MACROD2: variants seen among roughly 807,000 people sequenced by gnomAD.
The protein encoded by MACROD2 is ADP-ribose glycohydrolase MACROD2.
MACROD2 carries 36 observed loss-of-function variants against 70.4 expected under a neutral mutation model. The ratio of observed to expected loss-of-function variants is 0.51; its 90% CI spans 0.39 to 0.68. The LOEUF is 0.68. Among genes scored for constraint, MACROD2 ranks in the 30% least tolerant of loss-of-function variants. MACROD2 has a pLI of 0.00. For synonymous variants in MACROD2, 172 were observed against 178.8 expected, an observed-to-expected ratio of 0.96 and a Z score of 0.30; for missense variants, 496 against 538.4, an observed-to-expected ratio of 0.92 and a Z score of 0.78.
intron 2 of MACROD2, among the ~76,000 whole-genome samples, chr20:14,065,902 TGA>T (rs2053749683): frequency 1.3e-5 from 2 of 152,262 alleles, no homozygotes; most frequent in South Asian, 4.2e-4. Context: ...GCAAAATACG[TGA>T]GTCGTCATTG....
At chr20:15,600,230 G>C (rs552605388) in intron 8 of MACROD2, among the ~76,000 whole-genome samples, 24 of 152,048 alleles carry the variant, frequency 1.6e-4, no homozygotes, top group African/African-American at 5.8e-4. Context: ...CCCTGGGATG[G>C]CTTCCAGAAG....
intron 5 of MACROD2, among the ~76,000 whole-genome samples, chr20:14,944,057 A>C (rs1363710634): frequency 2.6e-5 from 4 of 152,198 alleles, no homozygotes; most frequent in Admixed American, 2.6e-4. Context: ...TCACTATCAC[A>C]ATCAGAATAT....
intron 4 of MACROD2, among the ~76,000 whole-genome samples, chr20:14,584,659 G>T (rs1198904885): frequency 6.6e-6 from 1 of 152,112 alleles, no homozygotes; most frequent in Non-Finnish European, 1.5e-5. Context: ...TTGAAATTTG[G>T]TGGGGGGACA....
chr20:15,660,018 G>A (rs1158799113), intron 8 of MACROD2, among the ~76,000 whole-genome samples: 1 of 152,086 alleles, frequency 6.6e-6, no homozygotes, highest in Admixed American at 6.5e-5. Flanking sequence ...CATGAAGGTA[G>A]AGTCTGTATC....
At chr20:14,357,609 GGT>G (rs1363610637) in intron 3 of MACROD2, among the ~76,000 whole-genome samples, 1 of 152,168 alleles carries the variant, frequency 6.6e-6, no homozygotes, top group Non-Finnish European at 1.5e-5. Flanking sequence ...TAAATGTAGT[GGT>G]TCCTCAGGGC....
intron 8 of MACROD2, among the ~76,000 whole-genome samples, chr20:15,723,108 C>G (rs907715268): frequency 6.6e-6 from 1 of 152,132 alleles, no homozygotes; most frequent in Non-Finnish European, 1.5e-5. Flanking sequence ...AGTTTACCAT[C>G]ATCTTAAAAA....
intron 8 of MACROD2, among the ~76,000 whole-genome samples, chr20:15,729,835 T>TTTTTTTTTTTTC (rs564130429): frequency 0.041 from 5,205 of 127,258 alleles, 747 homozygotes; most frequent in East Asian, 0.14. Flanking sequence ...GTCATGCTTT[T>TTTTTTTTTTTTC]TTTTTTTTTT....
intron 2 of MACROD2, among the ~76,000 whole-genome samples, chr20:14,052,239 T>A (rs2053577283): frequency 6.6e-6 from 1 of 152,124 alleles, no homozygotes; most frequent in Non-Finnish European, 1.5e-5. Flanking sequence ...TTTTCTGTCA[T>A]CTTCATAACT....
chr20:14,717,738 G>A (rs2071413157), intron 5 of MACROD2, among the ~76,000 whole-genome samples: 1 of 152,114 alleles, frequency 6.6e-6, no homozygotes, highest in Admixed American at 6.5e-5. Context: ...CCTTGAGTCA[G>A]TGGGATGTTG....
At chr20:15,706,232 A>C (rs1222219343) in intron 8 of MACROD2, among the ~76,000 whole-genome samples, 3 of 152,222 alleles carry the variant, frequency 2.0e-5, no homozygotes, top group African/African-American at 7.2e-5. Flanking sequence ...CAGTCAGAAT[A>C]TATGACCTCT....
At position 15,954,212 on chromosome 20, in the gene MACROD2, C is replaced by T. The variant is rs531360174; in HGVS notation, c.908-13341C>T. Among the ~76,000 whole-genome samples, 9 of 152,182 alleles carry T rather than the reference C, an allele frequency of 5.9e-5. No individual in the cohort carries two copies. The East Asian group carries it at 1.7e-3, about 29-fold the overall frequency. ...TCCCAGCACACTCCTTCTTGAATGC[C>T]CATAATACCCTCAGGTTTCCCTCCA... is the stretch of plus-strand genomic sequence containing the variant. On this transcript the variant is annotated intron_variant, in intron 12 of 17. Coordinates refer to ENST00000684519, the MANE Select transcript of MACROD2 (RefSeq NM_001351661.2).
intron 5 of MACROD2, among the ~76,000 whole-genome samples, chr20:15,060,197 C>A (rs1039823654): frequency 3.3e-5 from 5 of 152,186 alleles, no homozygotes; most frequent in African/African-American, 1.2e-4. Flanking sequence ...AGCTGGAATT[C>A]CATTTCCAAG....
At position 14,862,710 on chromosome 20, in the gene MACROD2, T is replaced by TAA. The variant is rs1292657811; in HGVS notation, c.418+177752_418+177753insAA. Among the ~76,000 whole-genome samples the TAA allele has an allele frequency of 3.7e-3, 322 of 87,678 alleles. 32 individuals are homozygous for TAA. The highest frequency in any genetic ancestry group is 0.011 in the African/African-American group (231 of 20,308). 57.5% of individuals were successfully genotyped at this position (87,678 alleles called of 152,430 possible). On this transcript the variant is annotated intron_variant, in intron 5 of 17. Coordinates refer to ENST00000684519, the MANE Select transcript of MACROD2 (RefSeq NM_001351661.2). The stretch of plus-strand genomic sequence containing the variant: ...ATATAAATATATATAAATATATATA[T>TAA]ATATATTTTTTTTTAATAGAGAGGA...
intron 6 of MACROD2, among the ~76,000 whole-genome samples, chr20:15,363,411 C>T (rs2078375607): frequency 6.6e-6 from 1 of 152,128 alleles, no homozygotes; most frequent in Non-Finnish European, 1.5e-5. Flanking sequence ...ACATTTAAAA[C>T]CCATAAGAGA....
chr20:14,432,157 G>A (rs1184824961), intron 3 of MACROD2, among the ~76,000 whole-genome samples: 8 of 152,062 alleles, frequency 5.3e-5, no homozygotes, highest in East Asian at 3.9e-4. Context: ...CTGTTATCAC[G>A]GCACTTCCCC....
At chr20:14,374,597 AT>A (rs939470118) in intron 3 of MACROD2, among the ~76,000 whole-genome samples, 43 of 152,274 alleles carry the variant, frequency 2.8e-4, no homozygotes, top group Non-Finnish European at 5.4e-4. Flanking sequence ...TGATAGAAAG[AT>A]TTTTTTATAA....
At chr20:14,515,957 T>C (rs1447469644) in intron 4 of MACROD2, among the ~76,000 whole-genome samples, 1 of 147,904 alleles carries the variant, frequency 6.8e-6, no homozygotes, top group East Asian at 1.9e-4. Flanking sequence ...GTACATTATA[T>C]ATTATATAAT....
chr20:15,006,944 GT>G (rs1183639414), intron 5 of MACROD2, among the ~76,000 whole-genome samples: 1 of 152,070 alleles, frequency 6.6e-6, no homozygotes, highest in African/African-American at 2.4e-5. Flanking sequence ...CAAAAAGAGT[GT>G]TTTTTTAAAA....
chr20:15,599,428 T>G (rs993924107), intron 8 of MACROD2, among the ~76,000 whole-genome samples: 49 of 151,888 alleles, frequency 3.2e-4, no homozygotes, highest in African/African-American at 1.2e-3. Flanking sequence ...ATCCGAGAAT[T>G]TCAGGCCTGT....
Sources: gnomAD v4.1 joint callset for allele counts (sites outside exome capture counted in the v4.1 genomes callset) on GRCh38, gnomAD v4.1.1 for gene constraint, MANE v1.5 for transcripts, NCBI Gene and HGNC (gene_info 2026-07-23, HGNC 2026-07-21) for gene names.